Variants in SKP2 observed in about 807,000 individuals in gnomAD.
SKP2 encodes the protein S-phase kinase associated protein 2.
SKP2 carries 16 observed loss-of-function variants against 51.8 expected under a neutral mutation model. The ratio of observed to expected loss-of-function variants is 0.31; its 90% CI spans 0.21 to 0.47. The LOEUF (loss-of-function observed/expected upper bound fraction) is 0.47, where lower values mean the gene tolerates loss of function less well. SKP2 is among the 20% of genes least tolerant of loss of function. The probability of loss-of-function intolerance (pLI) is 1.00; values close to 1 mark genes in which losing one functional copy is unlikely to be tolerated. For synonymous variants in SKP2, 176 were observed against 198.6 expected (o/e 0.89, Z 0.96); for missense variants, 377 against 505.3 (o/e 0.75, Z 2.43).
chr5:36,166,864 A>C, intron 4 of SKP2, among the ~76,000 whole-genome samples: 1 of 151,282 alleles, frequency 6.6e-6, no homozygotes, highest in Non-Finnish European at 1.5e-5. Context: ...TTCCCATTTC[A>C]CTCAAGTTTA....
At chr5:36,166,067 G>A (rs1004876534) in intron 3 of SKP2, among the ~76,000 whole-genome samples, 8 of 152,112 alleles carry the variant, frequency 5.3e-5, no homozygotes, top group Middle Eastern at 3.2e-3. Flanking sequence ...GCTAACTTTC[G>A]TTCCTTTAGT....
downstream of SKP2, among the ~76,000 whole-genome samples, chr5:36,186,080 T>C (rs1012533393): frequency 6.6e-6 from 1 of 152,238 alleles, no homozygotes; most frequent in Non-Finnish European, 1.5e-5. Context: ...ATAAGAATGC[T>C]CGTGATTTTT....
rs370465884 is a variant in SKP2 at position 36,152,777 on chromosome 5, C to T, written c.15C>T (p.His5=). The change falls in exon 2 of 10, where the codon CAC becomes CAT. Residue 5 remains histidine, a synonymous_variant. Transcript: ENST00000274255. ...GTATTGTGCACTTCTGCAGGAAGCACCTCCAGGAGATTCCAGACCTGAGTA... is the reference window on the plus strand; with the variant it reads ...GTATTGTGCACTTCTGCAGGAAGCATCTCCAGGAGATTCCAGACCTGAGTA... The part of the protein sequence containing the change: MHRK[H]LQEIPDLSSN... The T allele has an allele frequency of 1.2e-6, 2 of 1,613,404 alleles. No homozygotes were observed. Among genetic ancestry groups the T allele is most frequent in the Non-Finnish European group, 1.7e-6 (2 of 1,179,970 alleles).
chr5:36,181,126 G>A (rs914628015), intron 9 of SKP2, among the ~76,000 whole-genome samples: 1 of 152,162 alleles, frequency 6.6e-6, no homozygotes, highest in African/African-American at 2.4e-5. Flanking sequence ...AATACCTAAA[G>A]GGACTGGCTT....
chr5:36,163,031 G>A (rs960046548), intron 2 of SKP2, among the ~76,000 whole-genome samples: 1 of 152,206 alleles, frequency 6.6e-6, no homozygotes, highest in Admixed American at 6.5e-5. Context: ...CCCATGATTT[G>A]ATTACCTCCC....
At chr5:36,166,025 T>G (rs1446014148) in intron 3 of SKP2, among the ~76,000 whole-genome samples, 1 of 152,204 alleles carries the variant, frequency 6.6e-6, no homozygotes, top group African/African-American at 2.4e-5. Flanking sequence ...CTATTGAATA[T>G]CTATGACAGC....
chr5:36,185,021 G>T (rs1398734352), downstream of SKP2, among the ~76,000 whole-genome samples: 1 of 152,186 alleles, frequency 6.6e-6, no homozygotes, highest in Non-Finnish European at 1.5e-5. Flanking sequence ...CAGTGATGAT[G>T]ACCATTTTTT....
rs369044920 is a variant in SKP2 at position 36,183,886 on chromosome 5, G to A, written c.*1855G>A. 147 of 1,605,184 alleles carry A rather than the reference G, an allele frequency of 9.2e-5. No individual in the cohort carries two copies. The highest frequency in any genetic ancestry group is 1.1e-4 in the Non-Finnish European group (135 of 1,175,686). On this transcript the variant is annotated 3_prime_UTR_variant, in exon 10 of 10. Transcript: ENST00000274255. ...TAGGATCCGGTTGGACTCTGACATC[G>A]GATGCCCTCAAACATACAGAACTTC...
At chr5:36,188,402 G>T (rs1027240309), downstream of SKP2, among the ~76,000 whole-genome samples, 1 of 152,216 alleles carries the variant, frequency 6.6e-6, no homozygotes, top group African/African-American at 2.4e-5. Context: ...GCTTCCTTTA[G>T]GAGCTCTTGC....
intron 9 of SKP2, among the ~76,000 whole-genome samples, chr5:36,177,730 A>G (rs1745679806): frequency 6.6e-6 from 1 of 151,782 alleles, no homozygotes; most frequent in Non-Finnish European, 1.5e-5. Context: ...CTAGTGATGT[A>G]AGTCCTGGAT....
At chr5:36,192,356 A>C (rs1746049251) in intron 6 of SKP2, among the ~76,000 whole-genome samples, 1 of 152,206 alleles carries the variant, frequency 6.6e-6, no homozygotes, top group African/African-American at 2.4e-5. Context: ...TCTTTTCTGC[A>C]TAATTGTCTT....
rs1170227501 is a variant in SKP2 at position 36,163,496 on chromosome 5, C to T, written c.281-149C>T. 8.1e-6 allele frequency: 5 copies of T among 613,646 alleles called. No individual in the cohort carries two copies. The African/African-American group carries it at 9.3e-5, about 11-fold the overall frequency. The allele number at this position is 613,646 out of a possible 1,614,324, so 38.0% of individuals were successfully genotyped here. On this transcript the variant is annotated intron_variant, in intron 2 of 9. Transcript: ENST00000274255. ...TGTTCAACAGAAATGATTTTTCAAA[C>T]AAAAATAATTGTGAGGATGAGTAAT... is the stretch of plus-strand genomic sequence containing the variant.
chr5:36,162,737 G>A (rs868143427), intron 2 of SKP2, among the ~76,000 whole-genome samples: 1 of 152,178 alleles, frequency 6.6e-6, no homozygotes, highest in Non-Finnish European at 1.5e-5. Context: ...CTGAAAGAAA[G>A]CATATTAGTC....
At chr5:36,185,786 GAAAA>G (rs991048187), downstream of SKP2, among the ~76,000 whole-genome samples, 1 of 152,066 alleles carries the variant, frequency 6.6e-6, no homozygotes, top group Non-Finnish European at 1.5e-5. Context: ...GCAATTCTGT[GAAAA>G]AAGTCATTGG....
chr5:36,155,902 CAAGTT>C (rs1278901035), intron 2 of SKP2, among the ~76,000 whole-genome samples: 1 of 152,000 alleles, frequency 6.6e-6, no homozygotes, highest in African/African-American at 2.4e-5. Context: ...ATTTGCAAGT[CAAGTT>C]GAGGAGAAAA....
intron 2 of SKP2, among the ~76,000 whole-genome samples, chr5:36,158,833 C>T (rs1482286012): frequency 6.6e-6 from 1 of 152,154 alleles, no homozygotes; most frequent in African/African-American, 2.4e-5. Flanking sequence ...CTTGAAGCCC[C>T]AGCCCCCATC....
In SKP2 at chr5:36,182,635, A is replaced by T. The variant is rs1295738304; in HGVS notation, c.*604A>T. ...AATTCACCTTAAAACTTAACAAAAG[A>T]CCAAACATTACAAAACCCAGAGATA... On this transcript the variant is annotated 3_prime_UTR_variant, in exon 10 of 10. Coordinates refer to ENST00000274255, the MANE Select transcript of SKP2 (RefSeq NM_005983.4). 2.0e-6 allele frequency: 2 copies of T among 981,620 alleles called. No individual in the cohort carries two copies. Among genetic ancestry groups the T allele is most frequent in the Non-Finnish European group, 2.4e-6 (2 of 826,560 alleles). The allele number at this position is 981,620 out of a possible 1,614,324, so 60.8% of individuals were successfully genotyped here. A position where few individuals can be genotyped will look rare whatever the true frequency, so the allele number is the denominator to read the frequency against.
At chr5:36,179,228 GT>G (rs1321328422) in intron 9 of SKP2, among the ~76,000 whole-genome samples, 2 of 152,034 alleles carry the variant, frequency 1.3e-5, no homozygotes, top group Non-Finnish European at 2.9e-5. Context: ...ATGCTTAAAA[GT>G]TTCTTGAGAT....
intron 7 of SKP2, among the ~76,000 whole-genome samples, chr5:36,175,895 CTAAA>C (rs1260794054): frequency 9.9e-5 from 15 of 151,712 alleles, no homozygotes; most frequent in Non-Finnish European, 1.8e-4. Context: ...CTATATTTTT[CTAAA>C]AGTGGAATTA....
Sources: allele counts gnomAD v4.1 joint callset (sites outside exome capture counted in the v4.1 genomes callset), GRCh38; gene constraint gnomAD v4.1.1; transcripts MANE v1.5; gene names NCBI Gene and HGNC (gene_info 2026-07-23, HGNC 2026-07-21).